The following OR2L3 variants were observed in gnomAD, a reference collection of about 807,000 sequenced individuals.
OR2L3 encodes the protein olfactory receptor 2L3.
For synonymous variants in OR2L3, 131 were observed against 139.1 expected (o/e 0.94, Z 0.41); for missense variants, 369 against 376.6 (o/e 0.98, Z 0.17).
Position 248,061,151 on chromosome 1 carries a change from C to T in OR2L3, c.470C>T (p.Ala157Val). 1 of 1,613,300 alleles carries T rather than the reference C, an allele frequency of 6.2e-7. No individual in the cohort carries two copies. The highest frequency in any genetic ancestry group is 2.2e-5 in the East Asian group (1 of 44,866). Reference protein sequence around the residue: ...SWIIGSINACAHTVYVLHIPY... With the variant: ...SWIIGSINACVHTVYVLHIPY... ...ATCATAGGCTCGATCAATGCTTGTG[C>T]TCACACTGTATATGTACTCCATATT... Residue 157 changes from alanine (A) to valine (V), a missense_variant, in exon 2 of 2, where the codon GCT becomes GTT. Coordinates refer to ENST00000359959, the MANE Select transcript of OR2L3 (RefSeq NM_001004687.2).
At chr1:248,056,268 T>C (rs1663431229) in intron 1 of OR2L3, among the ~76,000 whole-genome samples, 1 of 152,156 alleles carries the variant, frequency 6.6e-6, no homozygotes, top group East Asian at 1.9e-4. Flanking sequence ...GTCTTGATAG[T>C]GGTCTACCTA....
chr1:248,058,071 T>G (rs1423184977), intron 1 of OR2L3, among the ~76,000 whole-genome samples: 1 of 152,114 alleles, frequency 6.6e-6, no homozygotes, highest in Admixed American at 6.5e-5. Flanking sequence ...GCTGCCAGTC[T>G]TTCATTATTA....
At chr1:248,047,207 G>T (rs1029396864) in intron 1 of OR2L3, among the ~76,000 whole-genome samples, 5 of 152,078 alleles carry the variant, frequency 3.3e-5, no homozygotes, top group Non-Finnish European at 7.4e-5. Context: ...ATGATTGTAG[G>T]GGGCAGCATT....
At chr1:248,049,851 A>G (rs1240312184) in intron 1 of OR2L3, among the ~76,000 whole-genome samples, 1 of 152,202 alleles carries the variant, frequency 6.6e-6, no homozygotes, top group Non-Finnish European at 1.5e-5. Context: ...TAAAAGGTTT[A>G]TATTAATGTA....
chr1:248,057,304 T>C (rs889739772), intron 1 of OR2L3, among the ~76,000 whole-genome samples: 1 of 152,200 alleles, frequency 6.6e-6, no homozygotes, highest in East Asian at 1.9e-4. Context: ...ACTTGTTTTA[T>C]GAATCTGGAT....
chr1:248,047,296 T>C (rs1663107742), intron 1 of OR2L3, among the ~76,000 whole-genome samples: 1 of 152,170 alleles, frequency 6.6e-6, no homozygotes, highest in Non-Finnish European at 1.5e-5. Context: ...GATTATATGA[T>C]GCTCATTATA....
intron 1 of OR2L3, 138 bp from the exon 2 acceptor site, chr1:248,060,523 T>C (rs1440283242): frequency 6.4e-6 from 4 of 624,778 alleles, no homozygotes; most frequent in African/African-American, 5.5e-5. Flanking sequence ...ATCAGAAGTA[T>C]GTGTGGACAG....
Position 248,053,788 on chromosome 1 carries a change from G to A in OR2L3, c.-21-6873G>A, listed in dbSNP as rs572839012. Among the ~76,000 whole-genome samples, 109 of 151,950 alleles carry A rather than the reference G, an allele frequency of 7.2e-4. 1 individual carries two copies. The highest frequency in any genetic ancestry group is 2.4e-3 in the African/African-American group (101 of 41,470). ...AGAAATGTCTTTTCATGTCCTTTGC[G>A]CAATTTTAATGGGGTTGTTTGTTCT... On this transcript the variant is annotated intron_variant, in intron 1 of 1. Coordinates refer to ENST00000359959, the MANE Select transcript of OR2L3 (RefSeq NM_001004687.2).
chr1:248,051,091 C>T (rs990766810), intron 1 of OR2L3: 1 of 152,160 alleles, frequency 6.6e-6, no homozygotes, highest in Non-Finnish European at 1.5e-5. Flanking sequence ...ACCATCACTA[C>T]CATGCACCTG....
chr1:248,054,550 A>G (rs1221968568), intron 1 of OR2L3, among the ~76,000 whole-genome samples: 1 of 152,158 alleles, frequency 6.6e-6, no homozygotes. Context: ...CATTTTCACA[A>G]TATTGATTCT....
rs768732504 is a variant in OR2L3 at position 248,060,850 on chromosome 1, C to T, written c.169C>T (p.Pro57Ser). ...LIFLDTHLHT[P>S]MYFLLSQLSL... is the part of the protein sequence containing the mutation. ...CTTCTTGGACACCCATCTCCACACA[C>T]CCATGTATTTCCTACTTAGTCAGCT... The change falls in exon 2 of 2, where the codon CCC (proline) becomes TCC (serine). Residue 57 changes from proline (P) to serine (S), a missense_variant. Transcript: ENST00000359959. 2.5e-6 allele frequency: 4 copies of T among 1,613,850 alleles called. No homozygotes were observed. Among genetic ancestry groups the T allele is most frequent in the Non-Finnish European group, 2.5e-6 (3 of 1,179,882 alleles).
At chr1:248,059,612 A>T (rs947176736) in intron 1 of OR2L3, among the ~76,000 whole-genome samples, 3 of 152,230 alleles carry the variant, frequency 2.0e-5, no homozygotes, top group African/African-American at 7.2e-5. Flanking sequence ...AGCAATAAGG[A>T]TTCCTTCTGG....
rs1663693364 is a variant in OR2L3 at position 248,062,984 on chromosome 1, TG to T, written c.*1365del. ...GTCTGTTTTTATGCCAGTACCATTC[TG>T]TTTTGGTTATTCCATGTTTGTAGTA... On this transcript the variant is annotated 3_prime_UTR_variant, in exon 2 of 2. Coordinates refer to ENST00000359959, the MANE Select transcript of OR2L3 (RefSeq NM_001004687.2). The T allele has an allele frequency of 6.6e-6, 1 of 152,270 alleles. No homozygotes were observed. The highest frequency in any genetic ancestry group is 1.5e-5 in the Non-Finnish European group (1 of 68,046). 9.4% of individuals were successfully genotyped at this position (152,270 alleles called of 1,614,324 possible).
At chr1:248,049,289 C>G (rs1663181786) in intron 1 of OR2L3, among the ~76,000 whole-genome samples, 1 of 152,178 alleles carries the variant, frequency 6.6e-6, no homozygotes, top group Non-Finnish European at 1.5e-5. Context: ...CTTCATCTCA[C>G]TTTCAACTCT....
At chr1:248,052,972 A>G (rs1193964348) in intron 1 of OR2L3, among the ~76,000 whole-genome samples, 1 of 151,112 alleles carries the variant, frequency 6.6e-6, no homozygotes, top group African/African-American at 2.4e-5. Flanking sequence ...TTTAAGTTCC[A>G]GGGTATATGT....
chr1:248,061,604 G>C lies in OR2L3; in HGVS notation c.923G>C (p.Cys308Ser). ...GALTRVSQRICSGKM is the reference protein window; with the variant it reads ...GALTRVSQRISSGKM ...CTGACACGAGTGAGTCAGAGAATCT[G>C]CTCTGGGAAAATGTAGAAACATTTT... The change falls in exon 2 of 2, where the codon TGC (cysteine) becomes TCC (serine). Residue 308 changes from cysteine (C) to serine (S), a missense_variant. Transcript: ENST00000359959. 1.2e-6 allele frequency: 2 copies of C among 1,612,008 alleles called. No individual in the cohort carries two copies. The highest frequency in any genetic ancestry group is 1.1e-5 in the South Asian group (1 of 90,862).
chr1:248,050,607 A>C (rs1226623576), intron 1 of OR2L3, among the ~76,000 whole-genome samples: 1 of 152,156 alleles, frequency 6.6e-6, no homozygotes, highest in Admixed American at 6.5e-5. Context: ...ATGCTGTTCT[A>C]TGTTATTTTT....
chr1:248,061,333 G>A lies in OR2L3; in HGVS notation c.652G>A (p.Gly218Ser), dbSNP rs778277273. The A allele has an allele frequency of 3.7e-6, 6 of 1,613,774 alleles. No individual in the cohort carries two copies. The Admixed American group carries it at 6.7e-5, about 18-fold the overall frequency. Reference protein sequence around the residue: ...FPFIAISCSYGRVLLAVYHMK... With the variant: ...FPFIAISCSYSRVLLAVYHMK... The stretch of plus-strand genomic sequence containing the variant: ...CTTCATTGCTATTTCATGTTCCTAT[G>A]GCCGGGTTCTCCTTGCTGTCTACCA... The change falls in exon 2 of 2, where the codon GGC becomes AGC. Residue 218 changes from glycine (G) to serine (S), a missense_variant. Physicochemically the swap from Gly to Ser is moderately conservative, Grantham distance 56. Coordinates refer to ENST00000359959, the MANE Select transcript of OR2L3 (RefSeq NM_001004687.2).
intron 1 of OR2L3, among the ~76,000 whole-genome samples, chr1:248,059,827 G>A (rs1195429573): frequency 6.6e-6 from 1 of 152,150 alleles, no homozygotes; most frequent in Non-Finnish European, 1.5e-5. Flanking sequence ...GAGGATTGGT[G>A]AGGCCAAGAG....
Sources: allele counts gnomAD v4.1 joint callset (sites outside exome capture counted in the v4.1 genomes callset), GRCh38; gene constraint gnomAD v4.1.1; transcripts MANE v1.5; gene names NCBI Gene and HGNC (gene_info 2026-07-23, HGNC 2026-07-21).